Variants in GAS7 observed in about 807,000 individuals in gnomAD.
GAS7 encodes the protein growth arrest-specific protein 7.
Under a neutral mutation model 71.1 loss-of-function variants are expected in GAS7, and 28 were observed. The ratio of observed to expected loss-of-function variants is 0.39; its 90% CI spans 0.29 to 0.54. The LOEUF (loss-of-function observed/expected upper bound fraction) is 0.54. GAS7 is among the 20% of genes least tolerant of loss of function. The pLI, the probability that GAS7 is intolerant of heterozygous loss-of-function variation, is 0.62. For missense variants in GAS7, 436 were observed against 627.8 expected (o/e 0.69, Z 3.27); for synonymous variants, 258 against 245.8 (o/e 1.05, Z -0.46).
chr17:10,006,316 C>CTTTTTTTTT (rs1168698479), intron 2 of GAS7, among the ~76,000 whole-genome samples: 12 of 65,610 alleles, frequency 1.8e-4, no homozygotes, highest in East Asian at 5.5e-4. Context: ...GCCCCAGATT[C>CTTTTTTTTT]TTTTTTTTTT....
intron 1 of GAS7, among the ~76,000 whole-genome samples, chr17:10,127,782 C>G (rs747148298): frequency 1.2e-4 from 19 of 152,184 alleles, no homozygotes; most frequent in Admixed American, 6.5e-5. Context: ...GCGAAGTGGA[C>G]TAGGAGAGGA....
intron 1 of GAS7, among the ~76,000 whole-genome samples, chr17:10,157,769 A>ACATATCACCCTTAGG (rs1158240879): frequency 6.6e-6 from 1 of 152,190 alleles, no homozygotes; most frequent in African/African-American, 2.4e-5. Context: ...CCACCCTTAG[A>ACATATCACCCTTAGG]CATATCACCC....
chr17:10,060,199 A>G (rs2073204317), intron 1 of GAS7, among the ~76,000 whole-genome samples: 1 of 152,206 alleles, frequency 6.6e-6, no homozygotes, highest in South Asian at 2.1e-4. Context: ...GTGCTTTAGT[A>G]AGGGTGCTTC....
intron 1 of GAS7, among the ~76,000 whole-genome samples, chr17:10,046,066 T>C (rs1398193314): frequency 2.6e-5 from 4 of 152,168 alleles, no homozygotes; most frequent in Non-Finnish European, 5.9e-5. Context: ...TCAGCACACT[T>C]TGAGAAACAC....
intron 1 of GAS7, among the ~76,000 whole-genome samples, chr17:10,163,210 G>A (rs934949613): frequency 2.0e-5 from 3 of 152,002 alleles, no homozygotes; most frequent in Non-Finnish European, 2.9e-5. Context: ...TCCCGGGTTC[G>A]AGCTATTCTC....
Position 10,103,863 on chromosome 17 carries a change from T to C in GAS7, c.184-83966A>G, listed in dbSNP as rs933772261. Among the ~76,000 whole-genome samples, 7 of 148,288 alleles carry C rather than the reference T, an allele frequency of 4.7e-5. No homozygotes were observed. Among genetic ancestry groups the C allele is most frequent in the Non-Finnish European group, 8.9e-5 (6 of 67,308 alleles). ...AAAAAAAAAAAAAGAAGCAAACCCA[T>C]AGAACCCATAGTAGCTGCTCATCAA... On this transcript the variant is annotated intron_variant, in intron 1 of 13. Coordinates refer to ENST00000432992, the MANE Select transcript of GAS7 (RefSeq NM_201433.2). This position sits in a 1 kb window ranked among gnomAD's most constrained non-coding sequence, Gnocchi z 5.5.
At chr17:10,126,743 G>C (rs1345148180) in intron 1 of GAS7, among the ~76,000 whole-genome samples, 1 of 152,224 alleles carries the variant, frequency 6.6e-6, no homozygotes, top group Admixed American at 6.5e-5. Flanking sequence ...AGGGTTAGGA[G>C]CCAGTCCCAG....
chr17:9,940,194 C>T lies in GAS7; in HGVS notation c.738G>A (p.Lys246=), dbSNP rs1193879214. Residue 246 remains lysine (K), a synonymous_variant, in exon 8 of 14, where the codon AAG becomes AAA. Coordinates refer to ENST00000432992, the MANE Select transcript of GAS7 (RefSeq NM_201433.2). The part of the protein sequence containing the change: ...EMSEFIRERI[K]IEEDYAKNLA... ...AGTTCTTCGCATAGTCTTCTTCAATCTTTATCCTGCAAAGAGAGAAAACCC... is the reference window on the plus strand; with the variant it reads ...AGTTCTTCGCATAGTCTTCTTCAATTTTTATCCTGCAAAGAGAGAAAACCC... 1 of 1,612,412 alleles carries T rather than the reference C, an allele frequency of 6.2e-7. No individual in the cohort carries two copies. The highest frequency in any genetic ancestry group is 8.5e-7 in the Non-Finnish European group (1 of 1,178,506).
chr17:10,047,281 C>T (rs968974107), intron 1 of GAS7, among the ~76,000 whole-genome samples: 2 of 152,178 alleles, frequency 1.3e-5, no homozygotes, highest in South Asian at 4.1e-4. Context: ...TCATGTTCTC[C>T]ATCAATTCGG....
intron 1 of GAS7, among the ~76,000 whole-genome samples, chr17:10,052,818 T>G (rs1362033626): frequency 1.3e-5 from 2 of 152,150 alleles, no homozygotes; most frequent in African/African-American, 4.8e-5. Flanking sequence ...ATTTAGCCCC[T>G]GCCCCTGCCC....
At chr17:10,151,351 C>T (rs1251283681) in intron 1 of GAS7, among the ~76,000 whole-genome samples, 1 of 151,624 alleles carries the variant, frequency 6.6e-6, no homozygotes, top group African/African-American at 2.4e-5. Flanking sequence ...TTTTTAAATA[C>T]TTGTCACTGA....
intron 1 of GAS7, among the ~76,000 whole-genome samples, chr17:10,059,371 C>T (rs984824987): frequency 3.9e-5 from 6 of 152,090 alleles, no homozygotes; most frequent in African/African-American, 1.4e-4. Context: ...GAGGTAAATC[C>T]CCGGAAATCA....
chr17:9,963,039 GAAAAAAAA>G (rs71139010), intron 4 of GAS7, among the ~76,000 whole-genome samples: 2 of 131,020 alleles, frequency 1.5e-5, no homozygotes, highest in Admixed American at 7.7e-5. Context: ...TCAAGGTGAT[GAAAAAAAA>G]AAAAAAGAAA....
intron 3 of GAS7, among the ~76,000 whole-genome samples, chr17:9,976,043 G>A (rs934979292): frequency 6.6e-6 from 1 of 152,196 alleles, no homozygotes; most frequent in Non-Finnish European, 1.5e-5. Flanking sequence ...AGGATCCACT[G>A]TCCACCATGG....
chr17:10,008,491 C>T (rs535566625), intron 2 of GAS7, among the ~76,000 whole-genome samples: 30 of 152,338 alleles, frequency 2.0e-4, no homozygotes, highest in African/African-American at 5.8e-4. Context: ...TGTGGGTCTT[C>T]AACTTCATAC....
intron 1 of GAS7, among the ~76,000 whole-genome samples, chr17:10,188,343 G>T (rs916307451): frequency 1.3e-5 from 2 of 152,168 alleles, no homozygotes; most frequent in African/African-American, 2.4e-5. Context: ...GTTCCTTCTG[G>T]TGTACATTGA....
rs190951307 is a variant in GAS7, at chr17:9,986,672, C to G, written c.305-4788G>C. On this transcript the variant is annotated intron_variant, in intron 2 of 13. Coordinates refer to ENST00000432992, the MANE Select transcript of GAS7 (RefSeq NM_201433.2). ...TGGGGACCCGATGGGAGGCCCCTTT[C>G]CCTGCCCTCACTGGCCTGGTCAACT... 3.7e-3 allele frequency among the ~76,000 whole-genome samples: 566 copies of G among 152,338 alleles called. 17 individuals are homozygous for G. Among genetic ancestry groups the G allele is most frequent in the Admixed American group, 0.034 (525 of 15,298 alleles).
In GAS7 at chr17:9,981,966, C is replaced by G; in HGVS notation, c.305-82G>C. The G allele has an allele frequency of 1.2e-6, 1 of 807,834 alleles. No individual in the cohort carries two copies. The highest frequency in any genetic ancestry group is 2.2e-6 in the Non-Finnish European group (1 of 458,400). 50.0% of individuals were successfully genotyped at this position (807,834 alleles called of 1,614,324 possible). On this transcript the variant is annotated intron_variant, in intron 2 of 13. Transcript: ENST00000432992. This position sits in a 1 kb window ranked among gnomAD's most constrained non-coding sequence, Gnocchi z 4.4. ...GTTTCACAGAGCAGAAGGAGATGCT[C>G]AGAGCTGGAGAAAAAGAGAGACAGC...
chr17:10,196,154 T>C (rs1309719051), intron 1 of GAS7, among the ~76,000 whole-genome samples: 1 of 152,174 alleles, frequency 6.6e-6, no homozygotes, highest in African/African-American at 2.4e-5. Context: ...ATCCAGACCC[T>C]TCGCTCACAC....
Sources: allele counts gnomAD v4.1 joint callset (sites outside exome capture counted in the v4.1 genomes callset), GRCh38; gene constraint gnomAD v4.1.1; non-coding constraint Gnocchi (gnomAD v3.1); transcripts MANE v1.5; gene names NCBI Gene and HGNC (gene_info 2026-07-23, HGNC 2026-07-21).